Variants in ERAP1 observed in about 807,000 individuals in gnomAD.
ERAP1 encodes endoplasmic reticulum aminopeptidase 1.
A neutral mutation model predicts 103.7 loss-of-function variants in ERAP1; 86 were observed. The ratio of observed to expected loss-of-function variants is 0.83; its 90% CI spans 0.70 to 0.99. ERAP1 has a LOEUF of 0.99. Among genes scored for constraint, ERAP1 ranks in the 50% least tolerant of loss-of-function variants. The pLI is 0.00. For missense variants in ERAP1, 1,009 were observed against 1,128.4 expected, an observed-to-expected ratio of 0.89 and a Z score of 1.52; for synonymous variants, 398 against 402.4, an observed-to-expected ratio of 0.99 and a Z score of 0.13.
the ERAP1 span, chr5:96,918,690 C>T: frequency 2.6e-5 from 4 of 152,118 alleles, no homozygotes; most frequent in Non-Finnish European, 4.4e-5. Context: ...CAAATGAAGT[C>T]GAATCTGCCC....
At chr5:96,903,569 A>T in the ERAP1 span, 2 of 1,585,870 alleles carry the variant, frequency 1.3e-6, no homozygotes, top group Non-Finnish European at 1.7e-6. Flanking sequence ...GGGTAAGGCA[A>T]CATTTCCTCT....
the ERAP1 span, among the ~76,000 whole-genome samples, chr5:96,878,176 T>G: frequency 6.6e-6 from 1 of 152,190 alleles, no homozygotes; most frequent in East Asian, 1.9e-4. Context: ...GTAAATTCAG[T>G]TTGATTTAAT....
At chr5:96,881,189 GCT>G in the ERAP1 span, 7,548 of 336,152 alleles carry the variant, frequency 0.022, 217 homozygotes, top group East Asian at 0.1. Flanking sequence ...GGAGGATTCT[GCT>G]CTGATTTATG....
the ERAP1 span, among the ~76,000 whole-genome samples, chr5:96,914,144 T>TCACACACACACACACA: frequency 2.0e-5 from 2 of 101,530 alleles, no homozygotes; most frequent in African/African-American, 8.2e-5. Context: ...TCTCTCTCTC[T>TCACACACACACACACA]CTCTCACACA....
the ERAP1 span, chr5:96,934,972 C>A: frequency 3.3e-5 from 5 of 152,292 alleles, 1 homozygote; most frequent in Non-Finnish European, 5.9e-5. Flanking sequence ...CGAGCCTCCT[C>A]GGGGCTTATG....
intron 19 of ERAP1, chr5:96,768,281 C>T (rs1016389107): frequency 2.2e-5 from 9 of 415,848 alleles, no homozygotes; most frequent in East Asian, 6.0e-5. Context: ...GAGGGGGTTT[C>T]GCCATGTTGC....
the ERAP1 span, among the ~76,000 whole-genome samples, chr5:96,820,108 C>T: frequency 1.3e-4 from 20 of 152,110 alleles, 1 homozygote; most frequent in East Asian, 2.5e-3. Flanking sequence ...AAAATCTCAA[C>T]GGAAACAGCA....
the ERAP1 span, chr5:96,935,340 C>G: frequency 6.6e-6 from 1 of 152,298 alleles, no homozygotes; most frequent in South Asian, 2.1e-4. Flanking sequence ...CTCGGCCCTG[C>G]GAGGTCCCCG....
At chr5:96,836,174 T>C in the ERAP1 span, among the ~76,000 whole-genome samples, 1 of 121,604 alleles carries the variant, frequency 8.2e-6, no homozygotes, top group Non-Finnish European at 1.7e-5. Flanking sequence ...TCCACCTCTT[T>C]GGTTTTTTTT....
chr5:96,784,826 G>C (rs114625808), intron 13 of ERAP1: 1 of 152,374 alleles, frequency 6.6e-6, no homozygotes, highest in African/African-American at 2.4e-5. Context: ...CTTCATTACA[G>C]AGGGTTAGTG....
chr5:96,855,113 C>G, the ERAP1 span, among the ~76,000 whole-genome samples: 1 of 152,132 alleles, frequency 6.6e-6, no homozygotes, highest in African/African-American at 2.4e-5. Flanking sequence ...GGGTTTAAAA[C>G]ATTAGCATGT....
At chr5:96,776,732 G>T in intron 18 of ERAP1, 181 bp from the exon 19 acceptor site, 1 of 800,264 alleles carries the variant, frequency 1.2e-6, no homozygotes, top group Non-Finnish European at 1.9e-6. Flanking sequence ...GCCTCATGAT[G>T]TCAAGTTCTG....
chr5:96,793,777 T>C, intron 6 of ERAP1, 26 bp downstream of exon 6: 1 of 1,594,968 alleles, frequency 6.3e-7, no homozygotes, highest in South Asian at 1.1e-5. Context: ...GTTTATACTT[T>C]ATTAAAAGTG....
chr5:96,823,125 C>T, the ERAP1 span: 3 of 456,280 alleles, frequency 6.6e-6, no homozygotes, highest in Middle Eastern at 6.5e-4. Context: ...TGCCTGCTTC[C>T]TCAAGGAAGC....
chr5:96,928,499 A>C, the ERAP1 span, among the ~76,000 whole-genome samples: 2 of 152,224 alleles, frequency 1.3e-5, no homozygotes, highest in Non-Finnish European at 2.9e-5. Flanking sequence ...CACTGGAGTT[A>C]CTTGCCACAA....
At chr5:96,786,831 G>C (rs1054209637) in intron 11 of ERAP1, 1 of 383,840 alleles carries the variant, frequency 2.6e-6, no homozygotes, top group Non-Finnish European at 4.9e-6. Context: ...GCATCTCAGA[G>C]GCCTAACTTC....
intron 4 of ERAP1, among the ~76,000 whole-genome samples, chr5:96,796,708 G>A (rs749097067): frequency 4.6e-5 from 7 of 152,172 alleles, no homozygotes; most frequent in Non-Finnish European, 7.4e-5. Context: ...ATGAGCATCC[G>A]TGACAACAGG....
chr5:96,923,034 C>G, the ERAP1 span, among the ~76,000 whole-genome samples: 1 of 152,076 alleles, frequency 6.6e-6, no homozygotes, highest in Non-Finnish European at 1.5e-5. Context: ...GCTGGAGTGT[C>G]ACGATCGTAG....
the ERAP1 span, among the ~76,000 whole-genome samples, chr5:96,885,768 G>A: frequency 5.3e-5 from 8 of 152,204 alleles, no homozygotes; most frequent in Non-Finnish European, 1.0e-4. Flanking sequence ...TATTGGATCT[G>A]TATCCATTCA....
Sources: allele counts gnomAD v4.1 joint callset (sites outside exome capture counted in the v4.1 genomes callset), GRCh38; gene constraint gnomAD v4.1.1; transcripts MANE v1.5; gene names NCBI Gene and HGNC (gene_info 2026-07-23, HGNC 2026-07-21).